The following PLPP4 variants were observed in gnomAD, a reference collection of about 807,000 sequenced individuals.
The protein encoded by PLPP4 is phospholipid phosphatase 4.
PLPP4 carries 20 observed loss-of-function variants against 32.2 expected under a neutral mutation model. The observed-to-expected ratio is 0.62, with a 90% confidence interval of 0.44 to 0.90. The LOEUF (loss-of-function observed/expected upper bound fraction) is 0.90, where lower values mean the gene tolerates loss of function less well. PLPP4 is among the 40% of genes least tolerant of loss of function. PLPP4 has a pLI of 0.00. For missense variants in PLPP4, 257 were observed against 353.1 expected (o/e 0.73, Z 2.18); for synonymous variants, 127 against 133.0 (o/e 0.95, Z 0.31).
Position 120,457,326 on chromosome 10 carries a change from G to A in PLPP4, c.21G>A (p.Glu7=). The part of the protein sequence containing the change: MRELAI[E]IGVRALLFGV... ...GCACCATGCGGGAGCTGGCCATTGAGATCGGGGTGCGAGCCCTGCTCTTCG... is the reference window on the plus strand; with the variant it reads ...GCACCATGCGGGAGCTGGCCATTGAAATCGGGGTGCGAGCCCTGCTCTTCG... The change falls in exon 1 of 7, where the codon GAG becomes GAA. Residue 7 remains glutamate, a synonymous_variant. Coordinates refer to ENST00000398250, the MANE Select transcript of PLPP4 (RefSeq NM_001030059.3). 6.5e-7 allele frequency: 1 copy of A among 1,534,692 alleles called. No homozygotes were observed. The highest frequency in any genetic ancestry group is 8.8e-7 in the Non-Finnish European group (1 of 1,139,600).
intron 6 of PLPP4, among the ~76,000 whole-genome samples, chr10:120,588,960 C>T (rs1849890898): frequency 6.6e-6 from 1 of 152,170 alleles, no homozygotes; most frequent in Non-Finnish European, 1.5e-5. Context: ...GCAGGAGAAT[C>T]ACTTGAACCA....
chr10:120,535,000 T>C (rs1032939280), intron 5 of PLPP4, among the ~76,000 whole-genome samples: 3 of 152,136 alleles, frequency 2.0e-5, no homozygotes, highest in Non-Finnish European at 2.9e-5. Flanking sequence ...GATCAGACTT[T>C]CCTGTTTCTT....
chr10:120,535,720 A>G lies in PLPP4; in HGVS notation c.445+14625A>G, dbSNP rs567347865. Among the ~76,000 whole-genome samples the G allele has an allele frequency of 2.6e-5, 4 of 152,060 alleles. No homozygotes were observed. In the South Asian group the frequency reaches 8.3e-4, roughly 32 times the overall value. Reference sequence around the variant, plus strand: ...ATTAAATGTCCTCGTTTTTTATTTTATCTCTTCCTGTTTCATGATGTGACT... The same window carrying G: ...ATTAAATGTCCTCGTTTTTTATTTTGTCTCTTCCTGTTTCATGATGTGACT... On this transcript the variant is annotated intron_variant, in intron 5 of 6. Coordinates refer to ENST00000398250, the MANE Select transcript of PLPP4 (RefSeq NM_001030059.3).
intron 5 of PLPP4, among the ~76,000 whole-genome samples, chr10:120,555,685 G>A (rs1848130730): frequency 1.3e-5 from 2 of 150,770 alleles, no homozygotes; most frequent in Admixed American, 6.6e-5. Context: ...TTGAATGAAT[G>A]AATGCATGAA....
intron 2 of PLPP4, among the ~76,000 whole-genome samples, chr10:120,511,708 T>C (rs1395164927): frequency 6.6e-6 from 1 of 152,210 alleles, no homozygotes; most frequent in Non-Finnish European, 1.5e-5. Context: ...GTGCTTCAAT[T>C]CTTGTTCTTT....
In PLPP4 at chr10:120,565,315, GGTGTGTGTGTGT is replaced by G. The variant is rs58655566; in HGVS notation, c.446-9780_446-9769del. Among the ~76,000 whole-genome samples the G allele has an allele frequency of 5.4e-3, 775 of 142,642 alleles. 7 individuals are homozygous for G. Among genetic ancestry groups the G allele is most frequent in the East Asian group, 0.021 (100 of 4,856 alleles). The allele number at this position is 142,642 out of a possible 152,430, so 93.6% of individuals were successfully genotyped here. A position where few individuals can be genotyped will look rare whatever the true frequency, so the allele number is the denominator to read the frequency against. ...TACATTTCCTTTGATTTGTTTGTGT[GGTGTGTGTGTGT>G]GTGTGTGTGTGTGTGTGTGTGTGTG... is the stretch of plus-strand genomic sequence containing the variant. On this transcript the variant is annotated intron_variant, in intron 5 of 6. Coordinates refer to ENST00000398250, the MANE Select transcript of PLPP4 (RefSeq NM_001030059.3).
At chr10:120,474,964 T>C (rs1349384491) in intron 1 of PLPP4, among the ~76,000 whole-genome samples, 1 of 152,204 alleles carries the variant, frequency 6.6e-6, no homozygotes, top group East Asian at 1.9e-4. Context: ...ATGACAGTGT[T>C]TTGAGTGAAA....
At position 120,468,682 on chromosome 10, in the gene PLPP4, T is replaced by C. The variant is rs184058415; in HGVS notation, c.56+11321T>C. ...AATGAAATATTCCAGGATAGGGCAC[T>C]GAATGATTTTTTTGTGTTTGCTTTA... On this transcript the variant is annotated intron_variant, in intron 1 of 6. Coordinates refer to ENST00000398250, the MANE Select transcript of PLPP4 (RefSeq NM_001030059.3). Among the ~76,000 whole-genome samples, 6 of 65,658 alleles carry C rather than the reference T, an allele frequency of 9.1e-5. 3 individuals carry two copies. The highest frequency in any genetic ancestry group is 4.3e-4 in the Admixed American group (2 of 4,664). The allele number at this position is 65,658 out of a possible 152,430, so 43.1% of individuals were successfully genotyped here.
rs536096121 is a variant in PLPP4, at chr10:120,581,108, G to C, written c.616+5807G>C. 4.2e-5 allele frequency: 52 copies of C among 1,234,360 alleles called. No homozygotes were observed. In the East Asian group the frequency reaches 2.9e-3, roughly 68 times the overall value. The allele number at this position is 1,234,360 out of a possible 1,614,324, so 76.5% of individuals were successfully genotyped here. The stretch of plus-strand genomic sequence containing the variant: ...TATCCTGCTTTCAGCCTCAAGAGAG[G>C]CATTCTCAGTCAGGACTTCTGCCCT... On this transcript the variant is annotated intron_variant, in intron 6 of 6. Transcript: ENST00000398250.
intron 1 of PLPP4, among the ~76,000 whole-genome samples, chr10:120,477,007 A>G (rs1843955311): frequency 6.6e-6 from 1 of 152,140 alleles, no homozygotes; most frequent in South Asian, 2.1e-4. Context: ...GTTTATAAGA[A>G]TTATCTTAGT....
At chr10:120,502,335 G>T (rs1053071022) in intron 1 of PLPP4, among the ~76,000 whole-genome samples, 12 of 152,144 alleles carry the variant, frequency 7.9e-5, no homozygotes, top group Non-Finnish European at 1.8e-4. Flanking sequence ...GTTAGGGGAG[G>T]CAGGGAGAGA....
In PLPP4 at chr10:120,574,383, A is replaced by G. The variant is rs1043352894; in HGVS notation, c.446-748A>G. On this transcript the variant is annotated intron_variant, in intron 5 of 6. Coordinates refer to ENST00000398250, the MANE Select transcript of PLPP4 (RefSeq NM_001030059.3). ...CTTAAATCTCACTGAGCTCCCAACT[A>G]TGTTTTATACCTGCTTGGATGTAAA... is the stretch of plus-strand genomic sequence containing the variant. Among the ~76,000 whole-genome samples, 3 of 152,166 alleles carry G rather than the reference A, an allele frequency of 2.0e-5. No homozygotes were observed. In the East Asian group the frequency reaches 5.8e-4, roughly 29 times the overall value.
At chr10:120,503,686 G>A in intron 1 of PLPP4, 132 bp from the exon 2 acceptor site, 2 of 1,590,178 alleles carry the variant, frequency 1.3e-6, no homozygotes, top group Middle Eastern at 1.7e-4. Context: ...ACTGACAGCA[G>A]GGCCTGTCTC....
chr10:120,537,298 A>G (rs189804076), intron 5 of PLPP4, among the ~76,000 whole-genome samples: 194 of 152,344 alleles, frequency 1.3e-3, no homozygotes, highest in Non-Finnish European at 2.4e-3. Context: ...CTGTCAATGG[A>G]TGAATGAATA....
intron 5 of PLPP4, among the ~76,000 whole-genome samples, chr10:120,574,079 A>G (rs1363863543): frequency 1.3e-5 from 2 of 150,078 alleles, no homozygotes; most frequent in Non-Finnish European, 1.5e-5. Context: ...CCTGCCTTCA[A>G]TAAAAGCCTC....
chr10:120,567,990 A>G (rs1191777448), intron 5 of PLPP4, among the ~76,000 whole-genome samples: 1 of 152,224 alleles, frequency 6.6e-6, no homozygotes, highest in East Asian at 1.9e-4. Flanking sequence ...AAAAACTAGA[A>G]CATGAGGAAA....
chr10:120,578,100 G>T (rs1849307607), intron 6 of PLPP4, among the ~76,000 whole-genome samples: 1 of 152,144 alleles, frequency 6.6e-6, no homozygotes. Flanking sequence ...TACTGCCCAG[G>T]TTGAGAACCC....
At chr10:120,511,314 C>A (rs1465285442) in intron 2 of PLPP4, among the ~76,000 whole-genome samples, 1 of 152,182 alleles carries the variant, frequency 6.6e-6, no homozygotes. Flanking sequence ...CGCCTCCCAC[C>A]TGGCACCCAC....
At chr10:120,498,553 T>G (rs1490379948) in intron 1 of PLPP4, among the ~76,000 whole-genome samples, 1 of 152,184 alleles carries the variant, frequency 6.6e-6, no homozygotes, top group Non-Finnish European at 1.5e-5. Flanking sequence ...TTAAATAAAT[T>G]GTGAGATGCA....
Sources: allele counts gnomAD v4.1 joint callset (sites outside exome capture counted in the v4.1 genomes callset), GRCh38; gene constraint gnomAD v4.1.1; transcripts MANE v1.5; gene names NCBI Gene and HGNC (gene_info 2026-07-23, HGNC 2026-07-21).